Variants in ADH4 observed in about 807,000 individuals in gnomAD.
ADH4 encodes all-trans-retinol dehydrogenase [NAD(+)] ADH4.
ADH4 carries 31 observed loss-of-function variants against 35.2 expected under a neutral mutation model. The ratio of observed to expected loss-of-function variants is 0.88; its 90% CI spans 0.66 to 1.19. The LOEUF (loss-of-function observed/expected upper bound fraction) is 1.19. Among genes scored for constraint, ADH4 ranks in the 50% most tolerant of loss-of-function variants. The pLI is 0.00. For missense variants in ADH4, 476 were observed against 458.3 expected (o/e 1.04, Z -0.35); for synonymous variants, 171 against 160.2 (o/e 1.07, Z -0.51).
rs539145343 is a variant in ADH4, at chr4:99,123,659, G to C, written c.*783C>G. The C allele has an allele frequency of 6.6e-6, 1 of 152,006 alleles. No homozygotes were observed. Among genetic ancestry groups the C allele is most frequent in the Admixed American group, 6.6e-5 (1 of 15,256 alleles). The allele number at this position is 152,006 out of a possible 1,614,324, so 9.4% of individuals were successfully genotyped here. On this transcript the variant is annotated 3_prime_UTR_variant, in exon 9 of 9. Transcript: ENST00000265512. ...GTGTAATAATCACATCATGTAATAT[G>C]GGGTGTCCATCTCCTCAAGCATTTA... is the stretch of plus-strand genomic sequence containing the variant.
chr4:99,136,584 T>C lies in ADH4; in HGVS notation c.464A>G (p.Tyr155Cys), dbSNP rs1729440025. Reference protein sequence around the residue: ...HFFGTSTFSQYTVVSDINLAK... With the variant: ...HFFGTSTFSQCTVVSDINLAK... Reference sequence around the variant, plus strand: ...AAGATTGATATCTGACACCACAGTGTACTGAGAGAATGTACTGGTTCCAAA... The same window carrying C: ...AAGATTGATATCTGACACCACAGTGCACTGAGAGAATGTACTGGTTCCAAA... Residue 155 changes from tyrosine to cysteine, a missense_variant, in exon 5 of 9, where the codon TAC becomes TGC. Physicochemically the swap from Tyr to Cys is radical, Grantham distance 194 (BLOSUM62 -2). Transcript: ENST00000265512. The C allele has an allele frequency of 6.2e-7, 1 of 1,613,992 alleles. No individual in the cohort carries two copies. The highest frequency in any genetic ancestry group is 1.7e-5 in the Admixed American group (1 of 59,996).
intron 1 of ADH4, 180 bp from the exon 2 acceptor site, chr4:99,142,960 A>G: frequency 1.6e-6 from 1 of 620,218 alleles, no homozygotes; most frequent in South Asian, 2.0e-5. Context: ...AAGGGATCTT[A>G]AAGAAAAATA....
chr4:99,125,529 T>G (rs29001231), intron 8 of ADH4, among the ~76,000 whole-genome samples: 2 of 152,160 alleles, frequency 1.3e-5, no homozygotes, highest in Admixed American at 1.3e-4. Context: ...AAACCCCACT[T>G]CAACTTCTAT....
chr4:99,136,166 C>T (rs1021974029), intron 5 of ADH4, among the ~76,000 whole-genome samples: 7 of 152,158 alleles, frequency 4.6e-5, no homozygotes, highest in African/African-American at 1.7e-4. Flanking sequence ...CATATTTAAA[C>T]AGGCTGTATT....
At chr4:99,126,177 C>T (rs1211049264) in intron 8 of ADH4, among the ~76,000 whole-genome samples, 1 of 152,156 alleles carries the variant, frequency 6.6e-6, no homozygotes, top group Non-Finnish European at 1.5e-5. Context: ...TGATCCCTGC[C>T]ACAGAGGCAT....
At position 99,123,853 on chromosome 4, in the gene ADH4, G is replaced by A. The variant is rs1327789753; in HGVS notation, c.*589C>T. 6.6e-6 allele frequency: 1 copy of A among 152,248 alleles called. No homozygotes were observed. Among genetic ancestry groups the A allele is most frequent in the Non-Finnish European group, 1.5e-5 (1 of 68,098 alleles). The allele number at this position is 152,248 out of a possible 1,614,324, so 9.4% of individuals were successfully genotyped here. A position where few individuals can be genotyped will look rare whatever the true frequency, so the allele number is the denominator to read the frequency against. The stretch of plus-strand genomic sequence containing the variant: ...CCAGGGTACATGTGCAGGATGTGCA[G>A]GTTTGTTACATAGGTAAACATGTAC... On this transcript the variant is annotated 3_prime_UTR_variant, in exon 9 of 9. Transcript: ENST00000265512.
At chr4:99,133,188 A>T (rs1425732116) in intron 5 of ADH4, among the ~76,000 whole-genome samples, 1 of 152,186 alleles carries the variant, frequency 6.6e-6, no homozygotes, top group Non-Finnish European at 1.5e-5. Flanking sequence ...CATTACTTGT[A>T]TTATACAACT....
chr4:99,131,875 C>T lies in ADH4; in HGVS notation c.583-111G>A, dbSNP rs1729288782. 2.6e-6 allele frequency: 3 copies of T among 1,132,392 alleles called. No individual in the cohort carries two copies. In the East Asian group the frequency reaches 7.7e-5, roughly 29 times the overall value. 70.1% of individuals were successfully genotyped at this position (1,132,392 alleles called of 1,614,324 possible). ...GAACATATGAATTAAAGACAGCCTG[C>T]TATTAAACTCTATGATATAGCCAAT... On this transcript the variant is annotated intron_variant, in intron 5 of 8. Transcript: ENST00000265512.
At chr4:99,133,673 G>A (rs929267899) in intron 5 of ADH4, 2 of 152,062 alleles carry the variant, frequency 1.3e-5, no homozygotes, top group African/African-American at 2.4e-5. Flanking sequence ...AAAGAAAGCT[G>A]TACAATTCCA....
intron 1 of ADH4, 117 bp downstream of exon 1, chr4:99,144,088 C>G: frequency 2.5e-6 from 3 of 1,210,980 alleles, no homozygotes; most frequent in Non-Finnish European, 3.6e-6. Context: ...TCACTCATAT[C>G]CTTTTGATCA....
intron 6 of ADH4, among the ~76,000 whole-genome samples, chr4:99,128,297 A>G (rs1250632129): frequency 6.6e-6 from 1 of 152,108 alleles, no homozygotes; most frequent in Non-Finnish European, 1.5e-5. Flanking sequence ...GTAGCCAGAC[A>G]TGGCAGCATG....
chr4:99,129,671 T>A (rs1729213879), intron 6 of ADH4, among the ~76,000 whole-genome samples: 1 of 152,226 alleles, frequency 6.6e-6, no homozygotes, highest in South Asian at 2.1e-4. Flanking sequence ...TTTAGCTTTT[T>A]CATCAGCTAT....
chr4:99,135,213 G>A (rs1354363565), intron 5 of ADH4, among the ~76,000 whole-genome samples: 1 of 152,096 alleles, frequency 6.6e-6, no homozygotes, highest in Admixed American at 6.5e-5. Flanking sequence ...AGGACTGCTT[G>A]AGCCTAGGAG....
rs115941622 is a variant in ADH4, at chr4:99,140,127, A to G, written c.263-979T>C. 5.3e-3 allele frequency among the ~76,000 whole-genome samples: 799 copies of G among 151,328 alleles called. 9 individuals are homozygous for G. Among genetic ancestry groups the G allele is most frequent in the African/African-American group, 0.019 (756 of 40,608 alleles). ...ATTTAGGTATTATCTTTATCTTACA[A>G]ACTTCCAAAAAAACACTTCAGCTAA... On this transcript the variant is annotated intron_variant, in intron 3 of 8. Coordinates refer to ENST00000265512, the MANE Select transcript of ADH4 (RefSeq NM_000670.5).
At chr4:99,131,391 CT>C in intron 6 of ADH4, 112 bp downstream of exon 6, 3 of 1,194,898 alleles carry the variant, frequency 2.5e-6, no homozygotes, top group Middle Eastern at 2.9e-4. Context: ...TTCTACCACC[CT>C]GTCATCCATT....
intron 1 of ADH4, 67 bp from the exon 2 acceptor site, chr4:99,142,847 G>A (rs888019813): frequency 8.5e-7 from 1 of 1,174,964 alleles, no homozygotes; most frequent in East Asian, 2.4e-5. Context: ...GGGGGTAGGA[G>A]AGAGGAGATC....
At chr4:99,130,178 T>A (rs1729228356) in intron 6 of ADH4, among the ~76,000 whole-genome samples, 1 of 152,228 alleles carries the variant, frequency 6.6e-6, no homozygotes, top group African/African-American at 2.4e-5. Context: ...GTAACTATTG[T>A]TTTACAATGA....
chr4:99,126,514 G>T, intron 8 of ADH4, 80 bp downstream of exon 8: 6 of 1,417,528 alleles, frequency 4.2e-6, no homozygotes, highest in South Asian at 1.4e-5. Flanking sequence ...AAAACAAGCT[G>T]GTTGCTTCTT....
chr4:99,138,422 G>T (rs1729512611), intron 4 of ADH4, among the ~76,000 whole-genome samples: 2 of 152,184 alleles, frequency 1.3e-5, no homozygotes, highest in South Asian at 4.2e-4. Flanking sequence ...GTCTAGTAAA[G>T]CAAAAACAAG....
Sources: allele counts gnomAD v4.1 joint callset (sites outside exome capture counted in the v4.1 genomes callset), GRCh38; gene constraint gnomAD v4.1.1; transcripts MANE v1.5; gene names NCBI Gene and HGNC (gene_info 2026-07-23, HGNC 2026-07-21).